The following SGCD variants were observed in gnomAD, a reference collection of about 807,000 sequenced individuals.
The protein encoded by SGCD is sarcoglycan delta, also known as delta-sarcoglycan.
In SGCD, 18 loss-of-function variants were observed where a neutral mutation model predicts 36.6. The ratio of observed to expected loss-of-function variants is 0.49; its 90% CI spans 0.34 to 0.73. The LOEUF is 0.73. Ranked by LOEUF, SGCD falls within the 30% of genes least tolerant of loss-of-function variation. The pLI, the probability that SGCD is intolerant of heterozygous loss-of-function variation, is 0.01. For missense variants in SGCD, 387 were observed against 346.7 expected, an observed-to-expected ratio of 1.12 and a Z score of -0.92; for synonymous variants, 133 against 130.6, an observed-to-expected ratio of 1.02 and a Z score of -0.12.
chr5:156,314,185 T>C (rs1429566870), intron 3 of SGCD, among the ~76,000 whole-genome samples: 4 of 151,978 alleles, frequency 2.6e-5, no homozygotes, highest in Non-Finnish European at 5.9e-5. Context: ...GGTCACTGTA[T>C]TGGTGAGGTT....
At chr5:156,500,580 C>CT (rs1367290042) in intron 3 of SGCD, among the ~76,000 whole-genome samples, 1 of 152,158 alleles carries the variant, frequency 6.6e-6, no homozygotes, top group Admixed American at 6.5e-5. Context: ...GAAAATCGCA[C>CT]TTTTTTTCTG....
At chr5:156,491,523 A>G (rs1755936449) in intron 3 of SGCD, among the ~76,000 whole-genome samples, 1 of 152,180 alleles carries the variant, frequency 6.6e-6, no homozygotes. Context: ...AGAGAATCCC[A>G]AAATGGATCA....
intron 7 of SGCD, among the ~76,000 whole-genome samples, chr5:156,750,202 C>CTATCT (rs1757100713): frequency 6.6e-6 from 1 of 151,844 alleles, no homozygotes; most frequent in Non-Finnish European, 1.5e-5. Flanking sequence ...TAGAAGAGAA[C>CTATCT]TATCTTATTA....
intron 1 of SGCD, among the ~76,000 whole-genome samples, chr5:155,904,080 GA>G (rs1756450118): frequency 6.6e-6 from 1 of 152,198 alleles, no homozygotes; most frequent in Admixed American, 6.5e-5. Context: ...CATCTGTGAG[GA>G]AGTGTGAAAA....
chr5:156,604,829 A>G (rs926955380), intron 6 of SGCD, among the ~76,000 whole-genome samples: 1 of 95,762 alleles, frequency 1.0e-5, no homozygotes, highest in Admixed American at 1.1e-4. Context: ...ATATATACAC[A>G]ATATTCACAC....
intron 3 of SGCD, among the ~76,000 whole-genome samples, chr5:156,457,285 T>G (rs1357432408): frequency 6.6e-6 from 1 of 152,218 alleles, no homozygotes; most frequent in Admixed American, 6.5e-5. Flanking sequence ...GCTATGCCTT[T>G]GATCCTCTAA....
At chr5:156,244,313 G>A (rs1036258747) in intron 3 of SGCD, among the ~76,000 whole-genome samples, 7 of 152,162 alleles carry the variant, frequency 4.6e-5, no homozygotes, top group African/African-American at 1.7e-4. Context: ...AAGGCCCAGG[G>A]CAATAGTGTC....
At chr5:156,630,121 C>A (rs1762578569) in intron 6 of SGCD, among the ~76,000 whole-genome samples, 1 of 152,114 alleles carries the variant, frequency 6.6e-6, no homozygotes, top group Non-Finnish European at 1.5e-5. Context: ...CCTCAGCCTC[C>A]CAAAATGCTG....
intron 3 of SGCD, among the ~76,000 whole-genome samples, chr5:156,254,119 C>T (rs762797103): frequency 6.6e-5 from 10 of 151,924 alleles, no homozygotes; most frequent in Admixed American, 4.6e-4. Flanking sequence ...CCTAGAAATC[C>T]GATACAATTG....
At chr5:156,690,079 C>G (rs928840062) in intron 7 of SGCD, among the ~76,000 whole-genome samples, 1 of 152,160 alleles carries the variant, frequency 6.6e-6, no homozygotes, top group African/African-American at 2.4e-5. Flanking sequence ...TTAAAAGTGA[C>G]TGTCTTCCAG....
At chr5:155,853,822 T>G in the SGCD span, among the ~76,000 whole-genome samples, 1 of 152,200 alleles carries the variant, frequency 6.6e-6, no homozygotes, top group African/African-American at 2.4e-5. Context: ...GGTTCTTCTC[T>G]GTCATTATTT....
intron 4 of SGCD, among the ~76,000 whole-genome samples, chr5:156,561,811 G>A (rs556152882): frequency 6.6e-6 from 1 of 152,222 alleles, no homozygotes; most frequent in Non-Finnish European, 1.5e-5. Context: ...TTTAGAATCA[G>A]TAATTTGGGT....
intron 6 of SGCD, among the ~76,000 whole-genome samples, chr5:156,615,280 G>A (rs1289216489): frequency 2.0e-5 from 3 of 152,144 alleles, no homozygotes; most frequent in Non-Finnish European, 4.4e-5. Context: ...TATAAACAAA[G>A]CACAGTTATA....
chr5:156,375,289 A>G (rs1580893100), intron 3 of SGCD, among the ~76,000 whole-genome samples: 1 of 152,254 alleles, frequency 6.6e-6, no homozygotes, highest in African/African-American at 2.4e-5. Context: ...ACATAAGCAT[A>G]GTACAATAAT....
At chr5:155,851,228 T>C in the SGCD span, among the ~76,000 whole-genome samples, 1 of 152,178 alleles carries the variant, frequency 6.6e-6, no homozygotes, top group Non-Finnish European at 1.5e-5. Flanking sequence ...GGATTCATCT[T>C]TAATATTTTC....
chr5:156,005,702 G>T (rs1758748820), intron 1 of SGCD, among the ~76,000 whole-genome samples: 1 of 152,104 alleles, frequency 6.6e-6, no homozygotes, highest in African/African-American at 2.4e-5. Context: ...CGCCCGCCTT[G>T]GCCTCCCAAA....
intron 3 of SGCD, among the ~76,000 whole-genome samples, chr5:156,320,084 G>C (rs1195632206): frequency 1.4e-5 from 2 of 142,994 alleles, no homozygotes; most frequent in Admixed American, 1.5e-4. Flanking sequence ...ATTTGTCTTT[G>C]ACAGCCTTTG....
At chr5:156,740,928 A>G (rs1487678140) in intron 7 of SGCD, among the ~76,000 whole-genome samples, 4 of 152,010 alleles carry the variant, frequency 2.6e-5, no homozygotes, top group African/African-American at 9.7e-5. Context: ...CCTTCCCACC[A>G]GTTTTTTCTA....
At chr5:156,132,169 A>G (rs1387889022) in intron 3 of SGCD, among the ~76,000 whole-genome samples, 2 of 152,050 alleles carry the variant, frequency 1.3e-5, no homozygotes, top group African/African-American at 4.8e-5. Flanking sequence ...GTCATCACTG[A>G]GGGTGGGGAG....
Sources: allele counts gnomAD v4.1 joint callset (sites outside exome capture counted in the v4.1 genomes callset), GRCh38; gene constraint gnomAD v4.1.1; transcripts MANE v1.5; gene names NCBI Gene and HGNC (gene_info 2026-07-23, HGNC 2026-07-21).